OR52A5: variants seen among roughly 807,000 people sequenced by gnomAD.
OR52A5 encodes the protein olfactory receptor 52A5.
A neutral mutation model predicts 18.2 loss-of-function variants in OR52A5; 16 were observed. That is an observed-to-expected ratio of 0.88 (90% CI 0.60 to 1.34). The LOEUF (loss-of-function observed/expected upper bound fraction) is 1.34. OR52A5 is among the 40% of genes most tolerant of loss of function. The probability of loss-of-function intolerance (pLI) is 0.00; values close to 1 mark genes in which losing one functional copy is unlikely to be tolerated. For synonymous variants in OR52A5, 140 were observed against 137.2 expected (o/e 1.02, Z -0.14); for missense variants, 418 against 383.0 (o/e 1.09, Z -0.76).
intron 1 of OR52A5, among the ~76,000 whole-genome samples, chr11:5,137,700 G>T (rs1846405238): frequency 6.6e-6 from 1 of 152,056 alleles, no homozygotes; most frequent in Admixed American, 6.5e-5. Context: ...CCTGAAGCTG[G>T]TCAAAAGAGG....
Position 5,131,451 on chromosome 11 carries a change from GTATTAC to G in OR52A5, c.*235_*240del. ...CATAAGTTTTATGTTGTAGATATCG[GTATTAC>G]TGATTTCATATTATTTTTATATTGA... On this transcript the variant is annotated 3_prime_UTR_variant, in exon 2 of 2. Transcript: ENST00000307388. 20 of 293,200 alleles carry G rather than the reference GTATTAC, an allele frequency of 6.8e-5. No homozygotes were observed. Among genetic ancestry groups the G allele is most frequent in the South Asian group, 3.4e-4 (6 of 17,696 alleles). The allele number at this position is 293,200 out of a possible 1,614,324, so 18.2% of individuals were successfully genotyped here.
In OR52A5 at chr11:5,129,063, C is replaced by T. The variant is rs963780818; in HGVS notation, c.*2629G>A. ...TCAGCATGCTTCTGAGAATGTTACA[C>T]ACAGCTCTGCCCAAAGACACTGACC... On this transcript the variant is annotated 3_prime_UTR_variant, in exon 2 of 2. Coordinates refer to ENST00000307388, the MANE Select transcript of OR52A5 (RefSeq NM_001005160.3). 1 of 152,178 alleles carries T rather than the reference C, an allele frequency of 6.6e-6. No homozygotes were observed. Among genetic ancestry groups the T allele is most frequent in the Admixed American group, 6.6e-5 (1 of 15,264 alleles). The allele number at this position is 152,178 out of a possible 1,614,324, so 9.4% of individuals were successfully genotyped here.
chr11:5,131,805 A>T lies in OR52A5; in HGVS notation c.838T>A (p.Ser280Thr), dbSNP rs1356710905. The T allele has an allele frequency of 1.9e-6, 3 of 1,614,056 alleles. No homozygotes were observed. The highest frequency in any genetic ancestry group is 1.3e-5 in the African/African-American group (1 of 75,058). ...HIPPYIHILL[S>T]NLYLLVPPFL... The stretch of plus-strand genomic sequence containing the variant: ...GGTGGGACTAACAGGTAAAGATTTG[A>T]CAAGAGGATATGAATATATGGTGGT... Residue 280 changes from serine to threonine, a missense_variant, in exon 2 of 2, where the codon TCA (serine) becomes ACA (threonine). Ser to Thr is a moderately conservative substitution (Grantham distance 58). Coordinates refer to ENST00000307388, the MANE Select transcript of OR52A5 (RefSeq NM_001005160.3).
intron 1 of OR52A5, among the ~76,000 whole-genome samples, chr11:5,136,499 C>T (rs951649800): frequency 1.1e-4 from 16 of 152,322 alleles, no homozygotes; most frequent in African/African-American, 3.6e-4. Flanking sequence ...TGCCTTCAAG[C>T]ATTGCCAAAT....
rs892413388 is a variant in OR52A5, at chr11:5,129,836, T to A, written c.*1856A>T. ...CAGCTGGACCAGGTGCTGTACTCCATGTGGAAATTGCTTCAGCTGGGGTTT... is the reference window on the plus strand; with the variant it reads ...CAGCTGGACCAGGTGCTGTACTCCAAGTGGAAATTGCTTCAGCTGGGGTTT... On this transcript the variant is annotated 3_prime_UTR_variant, in exon 2 of 2. Coordinates refer to ENST00000307388, the MANE Select transcript of OR52A5 (RefSeq NM_001005160.3). The A allele has an allele frequency of 6.6e-6, 1 of 152,164 alleles. No individual in the cohort carries two copies. The highest frequency in any genetic ancestry group is 2.4e-5 in the African/African-American group (1 of 41,432). 9.4% of individuals were successfully genotyped at this position (152,164 alleles called of 1,614,324 possible). A position where few individuals can be genotyped will look rare whatever the true frequency, so the allele number is the denominator to read the frequency against.
chr11:5,129,512 A>T lies in OR52A5; in HGVS notation c.*2180T>A, dbSNP rs1422000199. On this transcript the variant is annotated 3_prime_UTR_variant, in exon 2 of 2. Transcript: ENST00000307388. ...TTTCTCTTTTTAAGATGTTCATTGC[A>T]TCATAGTCAGGGCATATCAGTCTGA... The T allele has an allele frequency of 6.6e-6, 1 of 152,060 alleles. No individual in the cohort carries two copies. Among genetic ancestry groups the T allele is most frequent in the Non-Finnish European group, 1.5e-5 (1 of 68,018 alleles). The allele number at this position is 152,060 out of a possible 1,614,324, so 9.4% of individuals were successfully genotyped here.
chr11:5,132,164 G>C lies in OR52A5; in HGVS notation c.479C>G (p.Pro160Arg). The change falls in exon 2 of 2, where the codon CCT (proline) becomes CGT (arginine). Residue 160 changes from proline to arginine, a missense_variant. Physicochemically the swap from Pro to Arg is moderately radical, Grantham distance 103. Transcript: ENST00000307388. ...ACAGCATTTGATGAGCCCTAAGGAAGGTATTATAAGAATGGCAGCCCTGAG... is the reference window on the plus strand; with the variant it reads ...ACAGCATTTGATGAGCCCTAAGGAACGTATTATAAGAATGGCAGCCCTGAG... The part of the protein sequence containing the change: ...VTLRAAILII[P>R]SLGLIKCCLK... 6.2e-7 allele frequency: 1 copy of C among 1,614,116 alleles called. No homozygotes were observed. The highest frequency in any genetic ancestry group is 1.1e-5 in the South Asian group (1 of 91,072).
chr11:5,137,258 C>A (rs1009320347), intron 1 of OR52A5, among the ~76,000 whole-genome samples: 1 of 152,170 alleles, frequency 6.6e-6, no homozygotes, highest in African/African-American at 2.4e-5. Flanking sequence ...AATTCCTGGG[C>A]CAAAGTCAAC....
rs1269368774 is a variant in OR52A5 at position 5,129,060 on chromosome 11, A to G, written c.*2632T>C. ...GTCTCAGCATGCTTCTGAGAATGTTACACACAGCTCTGCCCAAAGACACTG... is the reference window on the plus strand; with the variant it reads ...GTCTCAGCATGCTTCTGAGAATGTTGCACACAGCTCTGCCCAAAGACACTG... On this transcript the variant is annotated 3_prime_UTR_variant, in exon 2 of 2. Coordinates refer to ENST00000307388, the MANE Select transcript of OR52A5 (RefSeq NM_001005160.3). 6.6e-6 allele frequency: 1 copy of G among 152,176 alleles called. No homozygotes were observed. Among genetic ancestry groups the G allele is most frequent in the Non-Finnish European group, 1.5e-5 (1 of 68,004 alleles). 9.4% of individuals were successfully genotyped at this position (152,176 alleles called of 1,614,324 possible).
chr11:5,132,425 A>T lies in OR52A5; in HGVS notation c.218T>A (p.Ile73Asn), dbSNP rs1456935698. The T allele has an allele frequency of 6.2e-7, 1 of 1,614,046 alleles. No homozygotes were observed. The highest frequency in any genetic ancestry group is 1.1e-5 in the South Asian group (1 of 91,086). The change falls in exon 2 of 2, where the codon ATT becomes AAT. Residue 73 changes from isoleucine (I) to asparagine (N), a missense_variant. Coordinates refer to ENST00000307388, the MANE Select transcript of OR52A5 (RefSeq NM_001005160.3). ...GGGAAGAATGCAGGTGTTAAGTGCAATGTCTGTGGCTGCCAACATGGCCAA... is the reference window on the plus strand; with the variant it reads ...GGGAAGAATGCAGGTGTTAAGTGCATTGTCTGTGGCTGCCAACATGGCCAA... ...IFLAMLAATDIALNTCILPKM... is the reference protein window; with the variant it reads ...IFLAMLAATDNALNTCILPKM...
At chr11:5,133,477 G>GT (rs199734661) in intron 1 of OR52A5, among the ~76,000 whole-genome samples, 31,669 of 138,728 alleles carry the variant, frequency 0.23, 3,907 homozygotes, top group East Asian at 0.38. Flanking sequence ...TCCACTGGCT[G>GT]TTTTTTTTTT....
In OR52A5 at chr11:5,129,762, A is replaced by C. The variant is rs1172232089; in HGVS notation, c.*1930T>G. Reference sequence around the variant, plus strand: ...TGACCTGTAAAGAAGACCAAAAAGCAACCAAGAAGTCAAACAGATCTGTGT... The same window carrying C: ...TGACCTGTAAAGAAGACCAAAAAGCCACCAAGAAGTCAAACAGATCTGTGT... On this transcript the variant is annotated 3_prime_UTR_variant, in exon 2 of 2. Coordinates refer to ENST00000307388, the MANE Select transcript of OR52A5 (RefSeq NM_001005160.3). 6.6e-6 allele frequency: 1 copy of C among 152,150 alleles called. No individual in the cohort carries two copies. The allele number at this position is 152,150 out of a possible 1,614,324, so 9.4% of individuals were successfully genotyped here.
chr11:5,131,778 A>C lies in OR52A5; in HGVS notation c.865T>G (p.Phe289Val), dbSNP rs1415063002. The C allele has an allele frequency of 1.2e-6, 2 of 1,614,126 alleles. No individual in the cohort carries two copies. The highest frequency in any genetic ancestry group is 2.2e-5 in the South Asian group (2 of 91,070). ...LSNLYLLVPP[F>V]LNPIVYGVKT... ...ACTCCATAGACAATAGGGTTGAGAAAAGGTGGGACTAACAGGTAAAGATTT... is the reference window on the plus strand; with the variant it reads ...ACTCCATAGACAATAGGGTTGAGAACAGGTGGGACTAACAGGTAAAGATTT... The change falls in exon 2 of 2, where the codon TTT becomes GTT. Residue 289 changes from phenylalanine (F) to valine (V), a missense_variant. Phe to Val is a conservative substitution (Grantham distance 50). Transcript: ENST00000307388.
chr11:5,133,471 C>G (rs1490948779), intron 1 of OR52A5, among the ~76,000 whole-genome samples: 1 of 144,410 alleles, frequency 6.9e-6, no homozygotes, highest in Admixed American at 7.1e-5. Flanking sequence ...TTGAAATCCA[C>G]TGGCTGTTTT....
chr11:5,136,903 G>A (rs1362822358), intron 1 of OR52A5, among the ~76,000 whole-genome samples: 1 of 152,222 alleles, frequency 6.6e-6, no homozygotes, highest in Non-Finnish European at 1.5e-5. Flanking sequence ...GTTTGTAAGT[G>A]ATAGGCCAGA....
At position 5,131,699 on chromosome 11, in the gene OR52A5, A is replaced by G; in HGVS notation, c.944T>C (p.Val315Ala). Reference sequence around the variant, plus strand: ...TATAGGAGTCACTAACGATCAAGTTACTTTTTTGAAGAAAAACACTTTCAC... The same window carrying G: ...TATAGGAGTCACTAACGATCAAGTTGCTTTTTTGAAGAAAAACACTTTCAC... ...HIVKVFFFKKVT is the reference protein window; with the variant it reads ...HIVKVFFFKKAT The change falls in exon 2 of 2, where the codon GTA (valine) becomes GCA (alanine). Residue 315 changes from valine to alanine, a missense_variant. Coordinates refer to ENST00000307388, the MANE Select transcript of OR52A5 (RefSeq NM_001005160.3). 1 of 1,605,458 alleles carries G rather than the reference A, an allele frequency of 6.2e-7. No individual in the cohort carries two copies. Among genetic ancestry groups the G allele is most frequent in the South Asian group, 1.1e-5 (1 of 90,354 alleles).
rs577629195 is a variant in OR52A5, at chr11:5,134,420, A to T, written c.-60-1718T>A. Among the ~76,000 whole-genome samples the T allele has an allele frequency of 1.2e-4, 18 of 152,326 alleles. No homozygotes were observed. The South Asian group carries it at 2.7e-3, about 23-fold the overall frequency. On this transcript the variant is annotated intron_variant, in intron 1 of 1. Coordinates refer to ENST00000307388, the MANE Select transcript of OR52A5 (RefSeq NM_001005160.3). ...TGTATAAGCTATCTCCAGCAATTAC[A>T]GAAGCATCTCTTTCTTTCTTTCCAT... is the stretch of plus-strand genomic sequence containing the variant.
rs1221899677 is a variant in OR52A5, at chr11:5,130,780, T to C, written c.*912A>G. The C allele has an allele frequency of 6.6e-6, 1 of 152,160 alleles. No homozygotes were observed. Among genetic ancestry groups the C allele is most frequent in the Non-Finnish European group, 1.5e-5 (1 of 67,988 alleles). 9.4% of individuals were successfully genotyped at this position (152,160 alleles called of 1,614,324 possible). ...CCATGCATCTTTTCAAAATTAGTGA[T>C]TCAGATGACTCTGTCAACTTGATTC... is the stretch of plus-strand genomic sequence containing the variant. On this transcript the variant is annotated 3_prime_UTR_variant, in exon 2 of 2. Coordinates refer to ENST00000307388, the MANE Select transcript of OR52A5 (RefSeq NM_001005160.3).
At chr11:5,133,468 C>G (rs1423320630) in intron 1 of OR52A5, among the ~76,000 whole-genome samples, 1 of 146,538 alleles carries the variant, frequency 6.8e-6, no homozygotes, top group Non-Finnish European at 1.5e-5. Flanking sequence ...GTTTTGAAAT[C>G]CACTGGCTGT....
Sources: allele counts gnomAD v4.1 joint callset (sites outside exome capture counted in the v4.1 genomes callset), GRCh38; gene constraint gnomAD v4.1.1; transcripts MANE v1.5; gene names NCBI Gene and HGNC (gene_info 2026-07-23, HGNC 2026-07-21).